RAD51B: variants seen among roughly 807,000 people sequenced by gnomAD.
RAD51B encodes the protein RAD51 paralog B.
Under a neutral mutation model 42.2 loss-of-function variants are expected in RAD51B, and 38 were observed. That is an observed-to-expected ratio of 0.90 (90% CI 0.70 to 1.18). The LOEUF (loss-of-function observed/expected upper bound fraction) is 1.18. RAD51B is among the 50% of genes most tolerant of loss of function. The probability of loss-of-function intolerance (pLI) is 0.00; values close to 1 mark genes in which losing one functional copy is unlikely to be tolerated. For synonymous variants in RAD51B, 154 were observed against 145.2 expected, an observed-to-expected ratio of 1.06 and a Z score of -0.43; for missense variants, 373 against 400.7, an observed-to-expected ratio of 0.93 and a Z score of 0.59.
chr14:68,372,344 G>T, intron 8 of RAD51B, among the ~76,000 whole-genome samples: 1 of 152,114 alleles, frequency 6.6e-6, no homozygotes. Flanking sequence ...AGCTGGGGAA[G>T]TCAAAGGAGG....
At chr14:67,821,500 C>G (rs182941199) in intron 1 of RAD51B, among the ~76,000 whole-genome samples, 1 of 152,286 alleles carries the variant, frequency 6.6e-6, no homozygotes, top group East Asian at 1.9e-4. Context: ...GTCTGTTCCC[C>G]AGGCTAGAGT....
intron 9 of RAD51B, among the ~76,000 whole-genome samples, chr14:68,424,645 C>G (rs2084789218): frequency 6.6e-6 from 1 of 152,204 alleles, no homozygotes. Flanking sequence ...ACCATCCTCC[C>G]TACTTTTCTC....
intron 8 of RAD51B, among the ~76,000 whole-genome samples, chr14:68,297,636 T>C (rs913154298): frequency 4.6e-5 from 7 of 152,212 alleles, no homozygotes; most frequent in Non-Finnish European, 8.8e-5. Context: ...TGGTGCAAGT[T>C]GGCTGTAATT....
intron 8 of RAD51B, among the ~76,000 whole-genome samples, chr14:68,334,572 G>T (rs1428639418): frequency 6.6e-6 from 1 of 152,038 alleles, no homozygotes; most frequent in Admixed American, 6.6e-5. Flanking sequence ...TATGTAAGTG[G>T]ACCTTGCAGT....
intron 8 of RAD51B, among the ~76,000 whole-genome samples, chr14:68,345,691 C>T (rs2082664435): frequency 6.7e-6 from 1 of 150,192 alleles, no homozygotes; most frequent in Non-Finnish European, 1.5e-5. Context: ...GAGTATTGCT[C>T]TGTTGCCCAG....
At chr14:68,498,766 G>A (rs542574498) in intron 10 of RAD51B, among the ~76,000 whole-genome samples, 4 of 152,146 alleles carry the variant, frequency 2.6e-5, no homozygotes, top group Non-Finnish European at 4.4e-5. Flanking sequence ...GAGCTGAGAC[G>A]TATACTAAAT....
At chr14:68,635,768 T>G (rs1200251062) in intron 10 of RAD51B, among the ~76,000 whole-genome samples, 2 of 152,154 alleles carry the variant, frequency 1.3e-5, no homozygotes, top group African/African-American at 4.8e-5. Context: ...ATAGGGCAGA[T>G]CTAGACAGAC....
chr14:68,267,712 T>G (rs1156242874), intron 7 of RAD51B, among the ~76,000 whole-genome samples: 1 of 152,238 alleles, frequency 6.6e-6, no homozygotes, highest in Non-Finnish European at 1.5e-5. Context: ...TATGTCTCTC[T>G]AGCTCACAAT....
intron 5 of RAD51B, among the ~76,000 whole-genome samples, chr14:67,871,581 AT>A (rs1402235738): frequency 6.6e-6 from 1 of 152,162 alleles, no homozygotes; most frequent in East Asian, 1.9e-4. Flanking sequence ...TCCCTAACTG[AT>A]TTTATGAGGC....
chr14:68,525,762 G>A (rs1034790193), intron 10 of RAD51B, among the ~76,000 whole-genome samples: 1 of 152,164 alleles, frequency 6.6e-6, no homozygotes, highest in Non-Finnish European at 1.5e-5. Flanking sequence ...GGGTCTGGGG[G>A]ATTTTTCTCC....
chr14:68,280,409 A>G (rs1453600286), intron 7 of RAD51B, among the ~76,000 whole-genome samples: 1 of 152,234 alleles, frequency 6.6e-6, no homozygotes, highest in African/African-American at 2.4e-5. Context: ...CTAGAGAGCC[A>G]GGTAGACCAG....
chr14:67,994,303 C>G (rs796533275), intron 7 of RAD51B, among the ~76,000 whole-genome samples: 15 of 151,840 alleles, frequency 9.9e-5, no homozygotes, highest in African/African-American at 3.6e-4. Flanking sequence ...TGCATCATTG[C>G]TAGGTAGGCA....
At chr14:68,217,857 G>A (rs187259049) in intron 7 of RAD51B, among the ~76,000 whole-genome samples, 1 of 152,244 alleles carries the variant, frequency 6.6e-6, no homozygotes, top group East Asian at 1.9e-4. Context: ...AACTTTGAAA[G>A]GACAACTTTG....
At chr14:67,947,635 C>T (rs571258041) in intron 7 of RAD51B, among the ~76,000 whole-genome samples, 8 of 152,180 alleles carry the variant, frequency 5.3e-5, no homozygotes, top group Non-Finnish European at 1.0e-4. Context: ...AAATACAGAT[C>T]TTTCTTGGAA....
At chr14:67,825,208 G>A (rs2040784242) in intron 2 of RAD51B, among the ~76,000 whole-genome samples, 1 of 151,748 alleles carries the variant, frequency 6.6e-6, no homozygotes, top group Admixed American at 6.6e-5. Context: ...ATTGGATGCT[G>A]GTGCTATGTG....
intron 4 of RAD51B, among the ~76,000 whole-genome samples, chr14:67,840,299 A>T (rs2041383984): frequency 6.6e-6 from 1 of 152,034 alleles, no homozygotes; most frequent in Non-Finnish European, 1.5e-5. Flanking sequence ...CCTCCTTCTA[A>T]TAATCTCCAG....
rs1383449143 is a variant in RAD51B at position 67,865,042 on chromosome 14, A to G, written c.355A>G (p.Ile119Val). 4.8e-6 allele frequency: 7 copies of G among 1,465,208 alleles called. No individual in the cohort carries two copies. Among genetic ancestry groups the G allele is most frequent in the East Asian group, 3.0e-5 (1 of 33,844 alleles). 90.8% of individuals were successfully genotyped at this position (1,465,208 alleles called of 1,614,324 possible). A position where few individuals can be genotyped will look rare whatever the true frequency, so the allele number is the denominator to read the frequency against. The change falls in exon 5 of 11, where the codon ATA becomes GTA. Residue 119 changes from isoleucine to valine, a missense_variant. Ile to Val is a conservative substitution (Grantham distance 29). Coordinates refer to ENST00000471583, the MANE Select transcript of RAD51B (RefSeq NM_133510.4). ...AGGTTGTGGAAAAACTCAGTTTTGT[A>G]TAATGATGAGCATTTTGGCTACATT... ...PPGCGKTQFC[I>V]MMSILATLPT...
intron 10 of RAD51B, among the ~76,000 whole-genome samples, chr14:68,625,036 G>A (rs1273871431): frequency 3.9e-5 from 6 of 152,134 alleles, no homozygotes; most frequent in Non-Finnish European, 7.4e-5. Context: ...AGATGCTAAA[G>A]GTTCAGAGAG....
chr14:68,624,901 G>C (rs558060782), intron 10 of RAD51B, among the ~76,000 whole-genome samples: 1 of 152,248 alleles, frequency 6.6e-6, no homozygotes, highest in East Asian at 1.9e-4. Context: ...GATAGGAGCC[G>C]GTGGTTCCGA....
Sources: allele counts gnomAD v4.1 joint callset (sites outside exome capture counted in the v4.1 genomes callset), GRCh38; gene constraint gnomAD v4.1.1; transcripts MANE v1.5; gene names NCBI Gene and HGNC (gene_info 2026-07-23, HGNC 2026-07-21).